The following NALCN variants were observed in gnomAD, a reference collection of about 807,000 sequenced individuals.
NALCN encodes the protein sodium leak channel, non-selective.
NALCN carries 111 observed loss-of-function variants against 225.3 expected under a neutral mutation model. That is an observed-to-expected ratio of 0.49 (90% CI 0.42 to 0.58). The LOEUF is 0.58. Ranked by LOEUF, NALCN falls within the 20% of genes least tolerant of loss-of-function variation. The pLI, the probability that NALCN is intolerant of heterozygous loss-of-function variation, is 0.00. For synonymous variants in NALCN, 764 were observed against 769.0 expected (o/e 0.99, Z 0.11); for missense variants, 1,378 against 2,202.4 (o/e 0.63, Z 7.49).
chr13:101,100,918 C>A, intron 26 of NALCN, 30 bp from the exon 27 acceptor site: 1 of 1,561,162 alleles, frequency 6.4e-7, no homozygotes, highest in South Asian at 1.2e-5. Flanking sequence ...TGTTAAATCT[C>A]TTGTTAAAGA....
chr13:101,221,661 A>G (rs2040946457), intron 13 of NALCN, among the ~76,000 whole-genome samples: 1 of 152,144 alleles, frequency 6.6e-6, no homozygotes, highest in African/African-American at 2.4e-5. Flanking sequence ...TGACCATTGT[A>G]TTCAACACAC....
intron 6 of NALCN, 120 bp downstream of exon 6, chr13:101,376,580 C>T (rs1453624499): frequency 3.3e-6 from 3 of 913,414 alleles, no homozygotes; most frequent in Admixed American, 2.8e-5. Flanking sequence ...AGCAGAGACA[C>T]AGAACAAAGA....
chr13:101,333,964 A>G (rs2045274633), intron 7 of NALCN, among the ~76,000 whole-genome samples: 1 of 150,230 alleles, frequency 6.7e-6, no homozygotes, highest in Non-Finnish European at 1.5e-5. Flanking sequence ...TAAATTTTCA[A>G]TTACTAAATT....
chr13:101,334,081 G>T (rs2045279177), intron 7 of NALCN, among the ~76,000 whole-genome samples: 1 of 152,110 alleles, frequency 6.6e-6, no homozygotes, highest in South Asian at 2.1e-4. Flanking sequence ...AGCGAGAAAA[G>T]ACATCAAAAG....
chr13:101,397,326 C>T (rs116745815), intron 2 of NALCN, among the ~76,000 whole-genome samples: 2 of 150,156 alleles, frequency 1.3e-5, no homozygotes, highest in African/African-American at 2.4e-5. Context: ...GAGGCAAAAA[C>T]ATGTCACATT....
At chr13:101,132,552 T>C (rs1460281160) in intron 17 of NALCN, among the ~76,000 whole-genome samples, 1 of 152,128 alleles carries the variant, frequency 6.6e-6, no homozygotes, top group Non-Finnish European at 1.5e-5. Context: ...CCTTGATCTG[T>C]GCTGAGGTGA....
At position 101,054,731 on chromosome 13, in the gene NALCN, A is replaced by AAAAT. The variant is rs1376982869; in HGVS notation, c.*560_*563dup. The AAAAT allele has an allele frequency of 1.3e-5, 2 of 152,228 alleles. No homozygotes were observed. Among genetic ancestry groups the AAAAT allele is most frequent in the African/African-American group, 2.4e-5 (1 of 41,458 alleles). 9.4% of individuals were successfully genotyped at this position (152,228 alleles called of 1,614,324 possible). On this transcript the variant is annotated 3_prime_UTR_variant, in exon 44 of 44. Coordinates refer to ENST00000251127, the MANE Select transcript of NALCN (RefSeq NM_052867.4). The stretch of plus-strand genomic sequence containing the variant: ...TCACCAAATGTCTTGTGTATATTTA[A>AAAAT]AAATATAACACGAGAAAAAGAAGAT...
intron 7 of NALCN, among the ~76,000 whole-genome samples, chr13:101,331,490 C>G (rs2045169114): frequency 6.6e-6 from 1 of 152,106 alleles, no homozygotes; most frequent in African/African-American, 2.4e-5. Flanking sequence ...AATACGTAAA[C>G]AACTCTTGGA....
At chr13:101,142,822 G>A in intron 17 of NALCN, 1 of 447,156 alleles carries the variant, frequency 2.2e-6, no homozygotes. Flanking sequence ...AGAAAATGCA[G>A]ATTTGGGAGG....
At chr13:101,326,166 C>A (rs1241948083) in intron 7 of NALCN, among the ~76,000 whole-genome samples, 1 of 152,114 alleles carries the variant, frequency 6.6e-6, no homozygotes, top group Non-Finnish European at 1.5e-5. Context: ...TGAAACAAAT[C>A]AGCTCTTAAT....
intron 7 of NALCN, among the ~76,000 whole-genome samples, chr13:101,314,521 A>T (rs1760239): frequency 0.17 from 25,438 of 152,100 alleles, 2,953 homozygotes; most frequent in East Asian, 0.63. Context: ...TGAATAGTTC[A>T]GTCACTGTGA....
chr13:101,359,920 G>T (rs75457692), intron 6 of NALCN, among the ~76,000 whole-genome samples: 2 of 152,064 alleles, frequency 1.3e-5, no homozygotes, highest in African/African-American at 4.8e-5. Flanking sequence ...TACACATTAA[G>T]ATTTGAGAGG....
chr13:101,315,326 A>T (rs2044515826), intron 7 of NALCN, among the ~76,000 whole-genome samples: 1 of 152,216 alleles, frequency 6.6e-6, no homozygotes, highest in African/African-American at 2.4e-5. Context: ...GGAAGGCATC[A>T]GTTCCAACCA....
intron 7 of NALCN, among the ~76,000 whole-genome samples, chr13:101,309,466 G>A (rs767546477): frequency 6.6e-6 from 1 of 152,194 alleles, no homozygotes; most frequent in African/African-American, 2.4e-5. Flanking sequence ...TTGATAAAAT[G>A]TAGGGATACA....
chr13:101,299,927 A>G (rs2043890495), intron 7 of NALCN, among the ~76,000 whole-genome samples: 1 of 151,970 alleles, frequency 6.6e-6, no homozygotes, highest in East Asian at 1.9e-4. Context: ...CCATCTCAGC[A>G]CTTTCTTCTT....
At chr13:101,136,672 T>C (rs982288747) in intron 17 of NALCN, among the ~76,000 whole-genome samples, 7 of 152,216 alleles carry the variant, frequency 4.6e-5, no homozygotes, top group Non-Finnish European at 1.5e-5. Context: ...CCATGGTGTA[T>C]ATGTGCCACA....
Position 101,089,835 on chromosome 13 carries a change from T to C in NALCN, c.3390+11A>G, listed in dbSNP as rs1324489555. On this transcript the variant is annotated intron_variant, in intron 29 of 43. Transcript: ENST00000251127. The surrounding 1 kb of genome is among the most constrained non-coding windows in gnomAD (Gnocchi z 4.7). Reference sequence around the variant, plus strand: ...CTTGAAGTGTTCAAAGGATTCGATGTGCTCGCTTACCGGCCCCACACGATG... The same window carrying C: ...CTTGAAGTGTTCAAAGGATTCGATGCGCTCGCTTACCGGCCCCACACGATG... 1 of 1,614,078 alleles carries C rather than the reference T, an allele frequency of 6.2e-7. No individual in the cohort carries two copies. Among genetic ancestry groups the C allele is most frequent in the Non-Finnish European group, 8.5e-7 (1 of 1,179,932 alleles).
chr13:101,143,762 C>T (rs1566335158), intron 16 of NALCN, among the ~76,000 whole-genome samples: 1 of 152,156 alleles, frequency 6.6e-6, no homozygotes, highest in Non-Finnish European at 1.5e-5. Context: ...CCGCACCCAG[C>T]CCAGTTTTTT....
intron 12 of NALCN, among the ~76,000 whole-genome samples, chr13:101,233,498 GCC>G (rs1566466454): frequency 2.6e-5 from 4 of 151,804 alleles, no homozygotes; most frequent in African/African-American, 4.8e-5. Context: ...CCACCACCAC[GCC>G]TGGCTAATTT....
Sources: allele counts gnomAD v4.1 joint callset (sites outside exome capture counted in the v4.1 genomes callset), GRCh38; gene constraint gnomAD v4.1.1; non-coding constraint Gnocchi (gnomAD v3.1); transcripts MANE v1.5; gene names NCBI Gene and HGNC (gene_info 2026-07-23, HGNC 2026-07-21).